Variants in COMMD4 observed in about 807,000 individuals in gnomAD.
The protein encoded by COMMD4 is COMM domain containing 4, also known as COMM domain-containing protein 4.
COMMD4 carries 18 observed loss-of-function variants against 27.5 expected under a neutral mutation model. The ratio of observed to expected loss-of-function variants is 0.65; its 90% CI spans 0.45 to 0.97. The LOEUF is 0.97. Ranked by LOEUF, COMMD4 falls within the 50% of genes least tolerant of loss-of-function variation. COMMD4 has a pLI of 0.00. For missense variants in COMMD4, 243 were observed against 250.0 expected, an observed-to-expected ratio of 0.97 and a Z score of 0.19; for synonymous variants, 108 against 108.4, an observed-to-expected ratio of 1.00 and a Z score of 0.02.
At chr15:75,338,757 C>T (rs1274593091) in intron 4 of COMMD4, 72 bp downstream of exon 4, 3 of 1,512,994 alleles carry the variant, frequency 2.0e-6, no homozygotes, top group East Asian at 4.7e-5. Flanking sequence ...TACAGAGGGG[C>T]CCCCCACCCC....
At position 75,340,233 on chromosome 15, in the gene COMMD4, T is replaced by C. The variant is rs2071411010; in HGVS notation, c.*228T>C. 1 of 576,868 alleles carries C rather than the reference T, an allele frequency of 1.7e-6. No individual in the cohort carries two copies. The highest frequency in any genetic ancestry group is 3.0e-5 in the Admixed American group (1 of 33,552). The allele number at this position is 576,868 out of a possible 1,614,324, so 35.7% of individuals were successfully genotyped here. A position where few individuals can be genotyped will look rare whatever the true frequency, so the allele number is the denominator to read the frequency against. On this transcript the variant is annotated 3_prime_UTR_variant, in exon 8 of 8. Coordinates refer to ENST00000267935, the MANE Select transcript of COMMD4 (RefSeq NM_017828.5). ...CTTCCCTTGAAAGGCAATTGTTGGC[T>C]GTTTTCATAAGCAGGAAAAATAAAC...
rs543831475 is a variant in COMMD4, at chr15:75,336,116, G to A, written c.3+24G>A. 2.6e-6 allele frequency: 4 copies of A among 1,549,822 alleles called. No individual in the cohort carries two copies. In the South Asian group the frequency reaches 4.8e-5, roughly 18 times the overall value. On this transcript the variant is annotated intron_variant, in intron 1 of 7. Coordinates refer to ENST00000267935, the MANE Select transcript of COMMD4 (RefSeq NM_017828.5). ...TGGTGAGGCACTAGGGGCGAAGCGA[G>A]GCTTGGGCTGCTGGAGCGGGAATGA...
downstream of COMMD4, chr15:75,342,787 G>A (rs1048352625): frequency 2.6e-5 from 4 of 152,128 alleles, no homozygotes; most frequent in South Asian, 4.1e-4. Context: ...TGAGGTAATG[G>A]ATATCCTAAT....
chr15:75,338,253 A>G, intron 2 of COMMD4, 102 bp from the exon 3 acceptor site: 4 of 1,479,994 alleles, frequency 2.7e-6, no homozygotes, highest in Non-Finnish European at 3.7e-6. Flanking sequence ...CTGTGCTACC[A>G]TGCTTTGTGA....
Position 75,338,368 on chromosome 15 carries a change from T to TG in COMMD4, c.90dup (p.Arg31AlafsTer17). The TG allele has an allele frequency of 6.3e-7, 1 of 1,596,586 alleles. No individual in the cohort carries two copies. The highest frequency in any genetic ancestry group is 8.5e-7 in the Non-Finnish European group (1 of 1,171,518). ...CTTCCCTTCCAGTCCTCTGTGAAGTTGCGGCTGCTCTGCAGCCAGGTACTA... is the reference window on the plus strand; with the variant it reads ...CTTCCCTTCCAGTCCTCTGTGAAGTTGGCGGCTGCTCTGCAGCCAGGTACTA... On this transcript the variant is annotated frameshift_variant, in exon 3 of 8. Coordinates refer to ENST00000267935, the MANE Select transcript of COMMD4 (RefSeq NM_017828.5). LOFTEE classifies it high-confidence loss of function.
At chr15:75,337,930 CAA>C (rs1175138119) in intron 1 of COMMD4, 130 bp from the exon 2 acceptor site, 12 of 891,300 alleles carry the variant, frequency 1.3e-5, no homozygotes, top group Admixed American at 2.8e-5. Context: ...TAGGGGAGAA[CAA>C]GAGGCCAGAG....
chr15:75,338,946 C>T (rs776303950), intron 4 of COMMD4, 39 bp from the exon 5 acceptor site: 2 of 1,613,736 alleles, frequency 1.2e-6, no homozygotes, highest in Non-Finnish European at 8.5e-7. Context: ...GTGGCTGGAC[C>T]CACAGTGACA....
At chr15:75,340,376 A>G (rs767229634), downstream of COMMD4, 4 of 216,484 alleles carry the variant, frequency 1.8e-5, no homozygotes, top group African/African-American at 9.1e-5. Context: ...TCTTTTCTCA[A>G]TTGCTGATTG....
Position 75,339,498 on chromosome 15 carries a change from A to C in COMMD4, c.382+154A>C, listed in dbSNP as rs11639290. The stretch of plus-strand genomic sequence containing the variant: ...CTGGCCCTGGGTCTCCTGACTCCCC[A>C]CAAGGTTTCTTGTCACTGAGGTCTG... On this transcript the variant is annotated intron_variant, in intron 6 of 7. Transcript: ENST00000267935. The C allele has an allele frequency of 1, 1,247,898 of 1,251,390 alleles. 622,273 individuals are homozygous for C. Among genetic ancestry groups the C allele is most frequent in the East Asian group, 1 (39,544 of 39,544 alleles). The allele number at this position is 1,251,390 out of a possible 1,614,324, so 77.5% of individuals were successfully genotyped here.
downstream of COMMD4, chr15:75,342,322 C>G (rs979563348): frequency 2.0e-5 from 3 of 152,234 alleles, no homozygotes; most frequent in African/African-American, 7.2e-5. Context: ...GGGAGGATCA[C>G]TTAAGCCCAG....
Position 75,339,829 on chromosome 15 carries a change from G to C in COMMD4, c.510G>C (p.Gln170His), listed in dbSNP as rs150426519. Residue 170 changes from glutamine to histidine, a missense_variant, in exon 7 of 8, where the codon CAG (glutamine) becomes CAC (histidine). Gln to His is a conservative substitution (Grantham distance 24, BLOSUM62 0). Transcript: ENST00000267935. ...CAGCTGCCCCAGGGACCCCAGCCCA[G>C]CCTGTTGCCATGTCCCTCTCAGCAG... ...EVAAAPGTPA[Q>H]PVAMSLSADK... 2.8e-4 allele frequency: 459 copies of C among 1,614,056 alleles called. 1 individual carries two copies. Among genetic ancestry groups the C allele is most frequent in the Middle Eastern group, 3.3e-4 (2 of 6,062 alleles).
chr15:75,339,636 G>C (rs2071372951), intron 6 of COMMD4, 66 bp from the exon 7 acceptor site: 1 of 1,492,834 alleles, frequency 6.7e-7, no homozygotes, highest in African/African-American at 1.4e-5. Flanking sequence ...GCTGAGCCAG[G>C]GTGTCGGCTG....
Position 75,336,108 on chromosome 15 carries a change from C to A in COMMD4, c.3+16C>A. ...TGGCGCGATGGTGAGGCACTAGGGG[C>A]GAAGCGAGGCTTGGGCTGCTGGAGC... On this transcript the variant is annotated intron_variant, in intron 1 of 7. Transcript: ENST00000267935. 6.5e-7 allele frequency: 1 copy of A among 1,549,760 alleles called. No homozygotes were observed. The highest frequency in any genetic ancestry group is 8.7e-7 in the Non-Finnish European group (1 of 1,146,812).
chr15:75,338,614 T>C (rs1461252979), intron 3 of COMMD4, 32 bp from the exon 4 acceptor site: 1 of 1,611,696 alleles, frequency 6.2e-7, no homozygotes, highest in Non-Finnish European at 8.5e-7. Flanking sequence ...AGCAGGGGCC[T>C]GGCACCCCCT....
Position 75,340,245 on chromosome 15 carries a change from C to G in COMMD4, c.*240C>G. 1.7e-6 allele frequency: 1 copy of G among 571,560 alleles called. No homozygotes were observed. Among genetic ancestry groups the G allele is most frequent in the South Asian group, 2.3e-5 (1 of 43,538 alleles). 35.4% of individuals were successfully genotyped at this position (571,560 alleles called of 1,614,324 possible). A position where few individuals can be genotyped will look rare whatever the true frequency, so the allele number is the denominator to read the frequency against. ...GGCAATTGTTGGCTGTTTTCATAAG[C>G]AGGAAAAATAAACAGAAGTATAAAG... On this transcript the variant is annotated 3_prime_UTR_variant, in exon 8 of 8. Transcript: ENST00000267935.
In COMMD4 at chr15:75,339,314, C is replaced by G; in HGVS notation, c.352C>G (p.Gln118Glu). ...RCYEEKQSPL[Q>E]KHLRVCSLRM... is the part of the protein sequence containing the mutation. ...TTATGAGGAGAAGCAAAGCCCCTTG[C>G]AGAAGCACTTGCGGGTCTGCAGCCT... The change falls in exon 6 of 8, where the codon CAG (glutamine) becomes GAG (glutamate). Residue 118 changes from glutamine to glutamate, a missense_variant. Physicochemically the swap from Gln to Glu is conservative, Grantham distance 29. Coordinates refer to ENST00000267935, the MANE Select transcript of COMMD4 (RefSeq NM_017828.5). 6.2e-7 allele frequency: 1 copy of G among 1,612,100 alleles called. No homozygotes were observed. The highest frequency in any genetic ancestry group is 8.5e-7 in the Non-Finnish European group (1 of 1,179,952).
downstream of COMMD4, among the ~76,000 whole-genome samples, chr15:75,340,474 G>C (rs928412276): frequency 6.6e-6 from 1 of 152,196 alleles, no homozygotes; most frequent in African/African-American, 2.4e-5. Context: ...TCCCAGATCT[G>C]GGATGCTCTT....
In COMMD4 at chr15:75,339,993, C is replaced by G. The variant is rs1389920314; in HGVS notation, c.588C>G (p.Ser196Arg). 1 of 1,614,134 alleles carries G rather than the reference C, an allele frequency of 6.2e-7. No homozygotes were observed. Among genetic ancestry groups the G allele is most frequent in the South Asian group, 1.1e-5 (1 of 91,084 alleles). ...TGAAGCAGGCCCAGACCCTGATGAGCTCCCTGGGCTGAGGAGAAGGGTGTT... is the reference window on the plus strand; with the variant it reads ...TGAAGCAGGCCCAGACCCTGATGAGGTCCCTGGGCTGAGGAGAAGGGTGTT... ...AELKQAQTLM[S>R]SLG Residue 196 changes from serine to arginine, a missense_variant, in exon 8 of 8, where the codon AGC (serine) becomes AGG (arginine). Ser to Arg is a moderately radical substitution (Grantham distance 110, BLOSUM62 -1). Coordinates refer to ENST00000267935, the MANE Select transcript of COMMD4 (RefSeq NM_017828.5).
Position 75,338,991 on chromosome 15 carries a change from G to C in COMMD4, c.188G>C (p.Gly63Ala). The change falls in exon 5 of 8, where the codon GGC (glycine) becomes GCC (alanine). Residue 63 changes from glycine (G) to alanine (A), a missense_variant. Transcript: ENST00000267935. Reference sequence around the variant, plus strand: ...CCACCCACGGGTCCCTCAGAGTCAGGCGATGTGAAGGCCACAGTGGCAGTG... The same window carrying C: ...CCACCCACGGGTCCCTCAGAGTCAGCCGATGTGAAGGCCACAGTGGCAGTG... ...KLTADAKFES[G>A]DVKATVAVLS... The C allele has an allele frequency of 6.2e-7, 1 of 1,613,958 alleles. No homozygotes were observed. Among genetic ancestry groups the C allele is most frequent in the Non-Finnish European group, 8.5e-7 (1 of 1,179,872 alleles).
Sources: allele counts gnomAD v4.1 joint callset (sites outside exome capture counted in the v4.1 genomes callset), GRCh38; gene constraint gnomAD v4.1.1; transcripts MANE v1.5; gene names NCBI Gene and HGNC (gene_info 2026-07-23, HGNC 2026-07-21).